Variants in PRKN observed in about 807,000 individuals in gnomAD.
The protein encoded by PRKN is parkin RBR E3 ubiquitin protein ligase.
In PRKN, 56 loss-of-function variants were observed where a neutral mutation model predicts 59.5. That is an observed-to-expected ratio of 0.94 (90% CI 0.76 to 1.18). PRKN has a LOEUF of 1.18. PRKN is among the 50% of genes most tolerant of loss of function. PRKN has a pLI of 0.00. For synonymous variants in PRKN, 250 were observed against 222.1 expected (o/e 1.13, Z -1.12); for missense variants, 657 against 596.4 (o/e 1.10, Z -1.06).
chr6:161,775,611 T>C (rs1789891474), intron 7 of PRKN, among the ~76,000 whole-genome samples: 1 of 152,210 alleles, frequency 6.6e-6, no homozygotes, highest in African/African-American at 2.4e-5. Context: ...GCATATATTC[T>C]TTTGTAACGC....
chr6:161,995,569 A>C (rs555234335), intron 5 of PRKN, among the ~76,000 whole-genome samples: 2 of 152,262 alleles, frequency 1.3e-5, no homozygotes, highest in South Asian at 4.1e-4. Flanking sequence ...GCAAAAATAC[A>C]AATAAACCCA....
chr6:161,906,670 A>G (rs1227362527), intron 6 of PRKN, among the ~76,000 whole-genome samples: 4 of 116,646 alleles, frequency 3.4e-5, no homozygotes, highest in Admixed American at 3.4e-4. Context: ...ATATATATAT[A>G]TATATGTATA....
In PRKN at chr6:161,545,375, G is replaced by A. The variant is rs779959307; in HGVS notation, c.1083+3479C>T. 31 of 1,611,746 alleles carry A rather than the reference G, an allele frequency of 1.9e-5. 1 individual carries two copies. Among genetic ancestry groups the A allele is most frequent in the South Asian group, 4.4e-5 (4 of 90,848 alleles). On this transcript the variant is annotated intron_variant, in intron 9 of 11. Coordinates refer to ENST00000366898, the MANE Select transcript of PRKN (RefSeq NM_004562.3). This position sits in a 1 kb window ranked among gnomAD's most constrained non-coding sequence, Gnocchi z 4.1. ...TGCTACCAATGACTTTTCCTTGAAC[G>A]ATGTATTGAATGAGGCACTCACTTC...
rs78881903 is a variant in PRKN at position 161,530,984 on chromosome 6, A to G, written c.1083+17870T>C. Among the ~76,000 whole-genome samples, 1,881 of 152,322 alleles carry G rather than the reference A, an allele frequency of 0.012. 20 individuals carry two copies. Among genetic ancestry groups the G allele is most frequent in the East Asian group, 0.027 (142 of 5,170 alleles). On this transcript the variant is annotated intron_variant, in intron 9 of 11. Coordinates refer to ENST00000366898, the MANE Select transcript of PRKN (RefSeq NM_004562.3). This position sits in a 1 kb window ranked among gnomAD's most constrained non-coding sequence, Gnocchi z 5.0. ...TCATATTTTCAACTACCTACGGGAT[A>G]TTTTATTGCTTCAAACAGAACATAG...
rs143555635 is a variant in PRKN, at chr6:162,285,351, C to T, written c.172-22586G>A. Among the ~76,000 whole-genome samples the T allele has an allele frequency of 5.2e-3, 761 of 145,284 alleles. 5 individuals carry two copies. The highest frequency in any genetic ancestry group is 0.019 in the African/African-American group (729 of 38,782). ...CATCTGGGCACCATGGGTAGTACCTCCTTTATGACAGATACTTCATTTTAA... is the reference window on the plus strand; with the variant it reads ...CATCTGGGCACCATGGGTAGTACCTTCTTTATGACAGATACTTCATTTTAA... On this transcript the variant is annotated intron_variant, in intron 2 of 11. Transcript: ENST00000366898.
chr6:161,646,246 G>A (rs528157038), intron 7 of PRKN, among the ~76,000 whole-genome samples: 169 of 63,462 alleles, frequency 2.7e-3, no homozygotes, highest in African/African-American at 0.013. Flanking sequence ...CGTGCGTGGC[G>A]GAGGAGGTGG....
intron 1 of PRKN, among the ~76,000 whole-genome samples, chr6:162,712,277 C>T (rs1476868572): frequency 1.3e-5 from 2 of 152,124 alleles, no homozygotes; most frequent in African/African-American, 4.8e-5. Flanking sequence ...CTCAAGACTG[C>T]ATTGTCCTGA....
intron 2 of PRKN, among the ~76,000 whole-genome samples, chr6:162,330,741 CT>C (rs1414744347): frequency 7.9e-5 from 12 of 152,346 alleles, no homozygotes; most frequent in Admixed American, 7.8e-4. Context: ...CCCTGTTACT[CT>C]GCTGTCCTAT....
At position 161,484,203 on chromosome 6, in the gene PRKN, A is replaced by G. The variant is rs1444247437; in HGVS notation, c.1083+64651T>C. On this transcript the variant is annotated intron_variant, in intron 9 of 11. Transcript: ENST00000366898. The surrounding 1 kb of genome is among the most constrained non-coding windows in gnomAD (Gnocchi z 4.9). ...AATGAAAAGTTGAAGAAAATTTTAA[A>G]AAAAGACCCTGCCTGGCAGGGTTTC... is the stretch of plus-strand genomic sequence containing the variant. Among the ~76,000 whole-genome samples the G allele has an allele frequency of 6.6e-6, 1 of 152,108 alleles. No homozygotes were observed. The highest frequency in any genetic ancestry group is 1.5e-5 in the Non-Finnish European group (1 of 68,026).
At position 162,235,586 on chromosome 6, in the gene PRKN, T is replaced by A. The variant is rs1724194729; in HGVS notation, c.412+26939A>T. Among the ~76,000 whole-genome samples the A allele has an allele frequency of 2.0e-5, 3 of 152,126 alleles. No homozygotes were observed. In the South Asian group the frequency reaches 6.2e-4, roughly 32 times the overall value. ...ACTTTGGGAGGCCAAGGCAGGTGGA[T>A]CATGAGGTCAGGAGTTCGAGACTAG... is the stretch of plus-strand genomic sequence containing the variant. On this transcript the variant is annotated intron_variant, in intron 3 of 11. Coordinates refer to ENST00000366898, the MANE Select transcript of PRKN (RefSeq NM_004562.3).
rs530228291 is a variant in PRKN, at chr6:161,625,538, T to C, written c.872-56122A>G. 2.0e-5 allele frequency among the ~76,000 whole-genome samples: 3 copies of C among 152,288 alleles called. No individual in the cohort carries two copies. The East Asian group carries it at 5.8e-4, about 29-fold the overall frequency. On this transcript the variant is annotated intron_variant, in intron 7 of 11. Transcript: ENST00000366898. ...GTAACGAACCTGCATGTTGTGCACATGTACCCTAGAACTTAAAGTATAATT... is the reference window on the plus strand; with the variant it reads ...GTAACGAACCTGCATGTTGTGCACACGTACCCTAGAACTTAAAGTATAATT...
At chr6:162,282,888 A>G (rs1780977313) in intron 2 of PRKN, among the ~76,000 whole-genome samples, 1 of 152,172 alleles carries the variant, frequency 6.6e-6, no homozygotes, top group East Asian at 1.9e-4. Context: ...TAAAAAGTCT[A>G]AGCACACATT....
chr6:161,984,477 C>T (rs1409607043), intron 5 of PRKN, among the ~76,000 whole-genome samples: 11 of 152,010 alleles, frequency 7.2e-5, no homozygotes, highest in African/African-American at 9.7e-5. Flanking sequence ...AGGATGGTCT[C>T]GAACTCCTGA....
At chr6:162,307,794 G>A (rs187541027) in intron 2 of PRKN, among the ~76,000 whole-genome samples, 15 of 151,764 alleles carry the variant, frequency 9.9e-5, no homozygotes, top group Admixed American at 3.9e-4. Context: ...ACATTTCTCC[G>A]CTAGTAATAA....
At chr6:162,097,668 T>C (rs1779801057) in intron 4 of PRKN, among the ~76,000 whole-genome samples, 1 of 152,222 alleles carries the variant, frequency 6.6e-6, no homozygotes. Context: ...GCATACTTAC[T>C]AGTAAAAAAT....
intron 2 of PRKN, among the ~76,000 whole-genome samples, chr6:162,342,924 G>A (rs770679954): frequency 6.6e-5 from 10 of 152,030 alleles, no homozygotes; most frequent in Non-Finnish European, 1.3e-4. Flanking sequence ...AAGAGTCCAG[G>A]TTGCTCCTTT....
intron 10 of PRKN, among the ~76,000 whole-genome samples, chr6:161,366,746 C>T (rs896755056): frequency 2.6e-5 from 4 of 152,050 alleles, no homozygotes; most frequent in East Asian, 1.9e-4. Flanking sequence ...CAAATGAGGC[C>T]GACACCAACT....
chr6:162,195,299 C>T (rs77329262), intron 4 of PRKN, among the ~76,000 whole-genome samples: 3,524 of 152,266 alleles, frequency 0.023, 137 homozygotes, highest in African/African-American at 0.079. Flanking sequence ...GAGGGGATAT[C>T]ACACACTTAG....
Position 162,262,692 on chromosome 6 carries a change from G to A in PRKN, c.245C>T (p.Ala82Val), listed in dbSNP as rs55774500. The change falls in exon 3 of 12, where the codon GCA (alanine) becomes GTA (valine). Residue 82 changes from alanine (A) to valine (V), a missense_variant. Physicochemically the swap from Ala to Val is moderately conservative, Grantham distance 64. Transcript: ENST00000366898. Reference sequence around the variant, plus strand: ...GTTTCTGGGGTCGTCGCCTCCAGTTGCATTCATTTCTTGACCTTTTCTCCA... The same window carrying A: ...GTTTCTGGGGTCGTCGCCTCCAGTTACATTCATTTCTTGACCTTTTCTCCA... The part of the protein sequence containing the change: ...RPWRKGQEMN[A>V]TGGDDPRNAA... The A allele has an allele frequency of 4.3e-6, 7 of 1,610,892 alleles. No homozygotes were observed. In the African/African-American group the frequency reaches 8.1e-5, roughly 19 times the overall value.
Sources: gnomAD v4.1 joint callset for allele counts (sites outside exome capture counted in the v4.1 genomes callset) on GRCh38, gnomAD v4.1.1 for gene constraint, Gnocchi (gnomAD v3.1) non-coding constraint, MANE v1.5 for transcripts, NCBI Gene and HGNC (gene_info 2026-07-23, HGNC 2026-07-21) for gene names.